Variants in SGMS2 observed in about 807,000 individuals in gnomAD.
SGMS2 encodes the protein phosphatidylcholine:ceramide cholinephosphotransferase 2.
In SGMS2, 21 loss-of-function variants were observed where a neutral mutation model predicts 43.8. The ratio of observed to expected loss-of-function variants is 0.48; its 90% CI spans 0.34 to 0.69. The LOEUF is 0.69. Among genes scored for constraint, SGMS2 ranks in the 30% least tolerant of loss-of-function variants. The probability of loss-of-function intolerance (pLI) is 0.01; values close to 1 mark genes in which losing one functional copy is unlikely to be tolerated. For synonymous variants in SGMS2, 167 were observed against 160.6 expected (o/e 1.04, Z -0.30); for missense variants, 384 against 443.2 (o/e 0.87, Z 1.20).
intron 2 of SGMS2, among the ~76,000 whole-genome samples, chr4:107,882,229 A>C (rs1729415376): frequency 6.6e-6 from 1 of 152,214 alleles, no homozygotes; most frequent in Admixed American, 6.5e-5. Context: ...TCCCACCAAC[A>C]GTGTACAAGG....
chr4:107,847,782 T>C (rs980601351), intron 1 of SGMS2, among the ~76,000 whole-genome samples: 9 of 152,132 alleles, frequency 5.9e-5, no homozygotes, highest in Non-Finnish European at 8.8e-5. Context: ...TTTGGTAAAT[T>C]AATAGGCGTT....
In SGMS2 at chr4:107,903,374, T is replaced by C. The variant is rs200484785; in HGVS notation, c.715T>C (p.Phe239Leu). 349 of 1,613,848 alleles carry C rather than the reference T, an allele frequency of 2.2e-4. 1 individual carries two copies. The highest frequency in any genetic ancestry group is 4.2e-6 in the Non-Finnish European group (5 of 1,179,838). ...GGTTACGCTGACACTGACTTATTTG[T>C]TCATCAAAGAATGTAAGTAATAGCC... Reference protein sequence around the residue: ...HTVTLTLTYLFIKEYSPRHFW... With the variant: ...HTVTLTLTYLLIKEYSPRHFW... The change falls in exon 5 of 7, where the codon TTC becomes CTC. Residue 239 changes from phenylalanine to leucine, a missense_variant. By Grantham distance (22) the Phe-to-Leu change is conservative. Coordinates refer to ENST00000690982, the MANE Select transcript of SGMS2 (RefSeq NM_001375905.1).
At chr4:107,850,093 C>G (rs1727053909) in intron 1 of SGMS2, among the ~76,000 whole-genome samples, 2 of 152,116 alleles carry the variant, frequency 1.3e-5, no homozygotes, top group South Asian at 2.1e-4. Flanking sequence ...CTCAGAAGAT[C>G]TGGTCATTTA....
Position 107,825,016 on chromosome 4 carries a change from C to G in SGMS2, c.-564C>G, listed in dbSNP as rs1037473434. The G allele has an allele frequency of 6.6e-6, 1 of 151,704 alleles. No individual in the cohort carries two copies. Among genetic ancestry groups the G allele is most frequent in the Admixed American group, 6.6e-5 (1 of 15,222 alleles). The allele number at this position is 151,704 out of a possible 1,614,324, so 9.4% of individuals were successfully genotyped here. A position where few individuals can be genotyped will look rare whatever the true frequency, so the allele number is the denominator to read the frequency against. ...AGCCTGGCCGGTGCTGCAGCGCCGC[C>G]GAGTGCGGCCTCGGGGGCGGCGGCC... On this transcript the variant is annotated 5_prime_UTR_variant, in exon 1 of 7. Transcript: ENST00000690982.
intron 1 of SGMS2, among the ~76,000 whole-genome samples, chr4:107,856,717 T>C (rs973358308): frequency 1.3e-5 from 2 of 152,174 alleles, no homozygotes; most frequent in Admixed American, 1.3e-4. Context: ...GTACAGTATC[T>C]GAAGTGTAAA....
chr4:107,901,740 CATT>C (rs1236180764), intron 4 of SGMS2, among the ~76,000 whole-genome samples: 5 of 152,122 alleles, frequency 3.3e-5, no homozygotes, highest in Non-Finnish European at 5.9e-5. Context: ...GTGTTGGCCC[CATT>C]ATTATAAAAG....
intron 1 of SGMS2, among the ~76,000 whole-genome samples, chr4:107,857,173 C>T (rs973605710): frequency 5.3e-5 from 8 of 152,158 alleles, no homozygotes; most frequent in Non-Finnish European, 1.0e-4. Flanking sequence ...AGGATTCATT[C>T]GTGCTACAGT....
At chr4:107,890,381 T>A (rs1300111830) in intron 2 of SGMS2, among the ~76,000 whole-genome samples, 1 of 151,746 alleles carries the variant, frequency 6.6e-6, no homozygotes, top group Non-Finnish European at 1.5e-5. Flanking sequence ...AAGAAAAAAT[T>A]TAAAAAACGG....
At chr4:107,879,807 A>C (rs1307017510) in intron 2 of SGMS2, among the ~76,000 whole-genome samples, 2 of 151,724 alleles carry the variant, frequency 1.3e-5, no homozygotes, top group African/African-American at 2.4e-5. Context: ...CAATATCATA[A>C]AATTAAATTG....
intron 2 of SGMS2, among the ~76,000 whole-genome samples, chr4:107,875,511 G>A (rs2126067268): frequency 6.6e-6 from 1 of 152,296 alleles, no homozygotes; most frequent in Non-Finnish European, 1.5e-5. Context: ...ACCTACCGAA[G>A]GGTGGAGGGT....
intron 4 of SGMS2, among the ~76,000 whole-genome samples, 182 bp from the exon 5 acceptor site, chr4:107,903,051 G>T (rs1317913298): frequency 6.6e-6 from 1 of 151,468 alleles, no homozygotes; most frequent in Non-Finnish European, 1.5e-5. Flanking sequence ...CGTCAATAAA[G>T]CTTGCCAATA....
chr4:107,831,266 T>A (rs1343842592), intron 1 of SGMS2, among the ~76,000 whole-genome samples: 1 of 152,134 alleles, frequency 6.6e-6, no homozygotes, highest in African/African-American at 2.4e-5. Flanking sequence ...TATAGGACTG[T>A]ATGTGTATGC....
At position 107,912,687 on chromosome 4, in the gene SGMS2, C is replaced by A. The variant is rs1732200338; in HGVS notation, c.*2134C>A. 1 of 152,032 alleles carries A rather than the reference C, an allele frequency of 6.6e-6. No individual in the cohort carries two copies. The highest frequency in any genetic ancestry group is 1.5e-5 in the Non-Finnish European group (1 of 68,018). 9.4% of individuals were successfully genotyped at this position (152,032 alleles called of 1,614,324 possible). A position where few individuals can be genotyped will look rare whatever the true frequency, so the allele number is the denominator to read the frequency against. On this transcript the variant is annotated 3_prime_UTR_variant, in exon 7 of 7. Coordinates refer to ENST00000690982, the MANE Select transcript of SGMS2 (RefSeq NM_001375905.1). Reference sequence around the variant, plus strand: ...TATTGAATAAGAAAAAGTGTTTAAACTTAATAAAATAAAAAATTGTGCACC... The same window carrying A: ...TATTGAATAAGAAAAAGTGTTTAAAATTAATAAAATAAAAAATTGTGCACC...
intron 2 of SGMS2, among the ~76,000 whole-genome samples, chr4:107,862,430 G>A (rs1484920757): frequency 2.0e-5 from 3 of 152,140 alleles, no homozygotes; most frequent in Admixed American, 6.5e-5. Context: ...ACAGATATGC[G>A]AATATGTGAA....
intron 2 of SGMS2, among the ~76,000 whole-genome samples, chr4:107,891,482 C>G (rs868854129): frequency 6.8e-6 from 1 of 148,054 alleles, no homozygotes; most frequent in African/African-American, 2.6e-5. Flanking sequence ...GCTTTCTATC[C>G]TAGTGAAGCA....
intron 1 of SGMS2, among the ~76,000 whole-genome samples, chr4:107,827,620 A>G (rs2125981015): frequency 6.6e-6 from 1 of 152,316 alleles, no homozygotes; most frequent in East Asian, 1.9e-4. Flanking sequence ...TCTTCAGTTT[A>G]AATAATTTTA....
chr4:107,884,660 A>G (rs1729609666), intron 2 of SGMS2, among the ~76,000 whole-genome samples: 1 of 152,174 alleles, frequency 6.6e-6, no homozygotes, highest in African/African-American at 2.4e-5. Context: ...TGGAGAGGCT[A>G]ATCAGAAACC....
intron 2 of SGMS2, among the ~76,000 whole-genome samples, chr4:107,865,582 T>A (rs906974250): frequency 1.3e-5 from 2 of 152,224 alleles, no homozygotes; most frequent in Non-Finnish European, 2.9e-5. Flanking sequence ...AGAATACTTT[T>A]TTATATTCTT....
At chr4:107,862,305 A>G (rs1374458455) in intron 2 of SGMS2, among the ~76,000 whole-genome samples, 3 of 152,176 alleles carry the variant, frequency 2.0e-5, no homozygotes, top group African/African-American at 7.2e-5. Context: ...TAGTAAGGTG[A>G]CTTTAGGCCA....
Sources: gnomAD v4.1 joint callset for allele counts (sites outside exome capture counted in the v4.1 genomes callset) on GRCh38, gnomAD v4.1.1 for gene constraint, MANE v1.5 for transcripts, NCBI Gene and HGNC (gene_info 2026-07-23, HGNC 2026-07-21) for gene names.